CIT: variants seen among roughly 807,000 people sequenced by gnomAD.
CIT encodes citron Rho-interacting kinase.
A neutral mutation model predicts 272.7 loss-of-function variants in CIT; 79 were observed. The observed-to-expected ratio is 0.29, with a 90% CI of 0.24 to 0.35. CIT has a LOEUF of 0.35. Ranked by LOEUF, CIT falls within the 10% of genes least tolerant of loss-of-function variation. CIT has a pLI of 1.00. For synonymous variants in CIT, 948 were observed against 995.6 expected, an observed-to-expected ratio of 0.95 and a Z score of 0.90; for missense variants, 1,909 against 2,618.3, an observed-to-expected ratio of 0.73 and a Z score of 5.91.
chr12:119,710,152 T>C lies in CIT; in HGVS notation c.5071+99A>G. On this transcript the variant is annotated intron_variant, in intron 39 of 47. Coordinates refer to ENST00000392521, the MANE Select transcript of CIT (RefSeq NM_001206999.2). The surrounding 1 kb of genome is among the most constrained non-coding windows in gnomAD (Gnocchi z 5.6). Reference sequence around the variant, plus strand: ...ACACAGAGATAAGAGCTACAACGGCTCCTCTCTACTATTTTGTGTTTTACG... The same window carrying C: ...ACACAGAGATAAGAGCTACAACGGCCCCTCTCTACTATTTTGTGTTTTACG... 7.5e-7 allele frequency: 1 copy of C among 1,332,158 alleles called. No individual in the cohort carries two copies. Among genetic ancestry groups the C allele is most frequent in the Non-Finnish European group, 1.0e-6 (1 of 959,984 alleles). The allele number at this position is 1,332,158 out of a possible 1,614,324, so 82.5% of individuals were successfully genotyped here. A position where few individuals can be genotyped will look rare whatever the true frequency, so the allele number is the denominator to read the frequency against.
chr12:119,695,888 T>A (rs1956199727), intron 46 of CIT, among the ~76,000 whole-genome samples: 1 of 152,236 alleles, frequency 6.6e-6, no homozygotes, highest in Admixed American at 6.5e-5. Flanking sequence ...ACAATGTAAA[T>A]GCTCTGTAAA....
At chr12:119,777,424 A>C (rs916987079) in intron 13 of CIT, among the ~76,000 whole-genome samples, 2 of 150,736 alleles carry the variant, frequency 1.3e-5, no homozygotes, top group African/African-American at 4.9e-5. Flanking sequence ...GTAATCCCAG[A>C]ACTTTGGGAG....
In CIT at chr12:119,712,870, A is replaced by T. The variant is rs1957240022; in HGVS notation, c.4580-175T>A. The T allele has an allele frequency of 2.0e-6, 1 of 496,456 alleles. No individual in the cohort carries two copies. Among genetic ancestry groups the T allele is most frequent in the Non-Finnish European group, 3.6e-6 (1 of 278,428 alleles). 30.8% of individuals were successfully genotyped at this position (496,456 alleles called of 1,614,324 possible). A position where few individuals can be genotyped will look rare whatever the true frequency, so the allele number is the denominator to read the frequency against. Reference sequence around the variant, plus strand: ...TGCAGAGAAGGCAGAGAGGGAAGATAAAAAAAAATAAAGTGTGTCAGATGA... The same window carrying T: ...TGCAGAGAAGGCAGAGAGGGAAGATTAAAAAAAATAAAGTGTGTCAGATGA... On this transcript the variant is annotated intron_variant, in intron 35 of 47. Transcript: ENST00000392521. This position sits in a 1 kb window ranked among gnomAD's most constrained non-coding sequence, Gnocchi z 5.2.
Position 119,710,902 on chromosome 12 carries a change from T to C in CIT, c.4855-282A>G. On this transcript the variant is annotated intron_variant, in intron 37 of 47. Coordinates refer to ENST00000392521, the MANE Select transcript of CIT (RefSeq NM_001206999.2). This position sits in a 1 kb window ranked among gnomAD's most constrained non-coding sequence, Gnocchi z 5.6. ...GGGTAGTAGACATGGAAAGCTATTC[T>C]GTAATAAGAAATAAGCTGAAGCTAA... The C allele has an allele frequency of 1.5e-6, 1 of 653,108 alleles. No homozygotes were observed. The highest frequency in any genetic ancestry group is 2.4e-6 in the Non-Finnish European group (1 of 410,080). The allele number at this position is 653,108 out of a possible 1,614,324, so 40.5% of individuals were successfully genotyped here.
intron 4 of CIT, among the ~76,000 whole-genome samples, chr12:119,853,340 AAT>A (rs1210443222): frequency 6.6e-6 from 1 of 151,106 alleles, no homozygotes; most frequent in African/African-American, 2.5e-5. Context: ...AAAAAAAAAA[AAT>A]GGTTACTGTT....
chr12:119,751,491 CAGAA>C (rs1275006551), intron 23 of CIT, among the ~76,000 whole-genome samples: 1 of 151,716 alleles, frequency 6.6e-6, no homozygotes, highest in African/African-American at 2.4e-5. Context: ...ACTAGTCTCT[CAGAA>C]AGAACAAGGA....
Position 119,834,117 on chromosome 12 carries a change from G to T in CIT, c.628C>A (p.His210Asn), listed in dbSNP as rs776943383. The T allele has an allele frequency of 5.0e-6, 8 of 1,613,896 alleles. No homozygotes were observed. Among genetic ancestry groups the T allele is most frequent in the Non-Finnish European group, 6.8e-6 (8 of 1,179,930 alleles). The change falls in exon 6 of 48, where the codon CAC (histidine) becomes AAC (asparagine). Residue 210 changes from histidine to asparagine, a missense_variant. This residue lies in a region of CIT where 529 missense variants were observed against 549.6 expected (regional missense o/e 0.96). Coordinates refer to ENST00000392521, the MANE Select transcript of CIT (RefSeq NM_001206999.2). ...ACGTATCCCATCAGATGAACGCTGT[G>T]AACAGCCAAAATCAGCTCAGCTAGG... The part of the protein sequence containing the change: ...FYLAELILAV[H>N]SVHLMGYVHR...
intron 3 of CIT, among the ~76,000 whole-genome samples, chr12:119,867,580 G>A (rs1950551183): frequency 6.6e-6 from 1 of 152,168 alleles, no homozygotes; most frequent in Admixed American, 6.5e-5. Flanking sequence ...CAGCACTGTT[G>A]GCATTGTGGG....
chr12:119,869,319 C>G, intron 2 of CIT, 118 bp from the exon 3 acceptor site: 2 of 915,624 alleles, frequency 2.2e-6, no homozygotes, highest in Non-Finnish European at 3.3e-6. Context: ...GACATGCTAA[C>G]AGCACAATTC....
At chr12:119,719,776 CA>C (rs1957733954) in intron 30 of CIT, among the ~76,000 whole-genome samples, 1 of 152,198 alleles carries the variant, frequency 6.6e-6, no homozygotes, top group South Asian at 2.1e-4. Context: ...CAAGCTTCTT[CA>C]AGACTTTTCT....
At chr12:119,844,451 C>G (rs930881497) in intron 5 of CIT, among the ~76,000 whole-genome samples, 1 of 151,956 alleles carries the variant, frequency 6.6e-6, no homozygotes, top group African/African-American at 2.4e-5. Context: ...CTAAAAAGAG[C>G]CTTAAGAGAG....
chr12:119,785,150 T>C, intron 10 of CIT, 85 bp from the exon 11 acceptor site: 2 of 1,396,892 alleles, frequency 1.4e-6, no homozygotes, highest in South Asian at 2.6e-5. Context: ...TGTTTCATTT[T>C]ACAAAAACAT....
Position 119,758,584 on chromosome 12 carries a change from T to A in CIT, c.2531+7A>T, listed in dbSNP as rs767202476. The A allele has an allele frequency of 3.8e-6, 6 of 1,571,306 alleles. No individual in the cohort carries two copies. In the African/African-American group the frequency reaches 8.1e-5, roughly 21 times the overall value. On this transcript the variant is annotated splice_region_variant and intron_variant, in intron 21 of 47. Coordinates refer to ENST00000392521, the MANE Select transcript of CIT (RefSeq NM_001206999.2). ...TAATGTAGGGCAGTTAGAATTTGAA[T>A]ACTTACATGTTCCTTTGGGTAAAAA...
At chr12:119,765,859 G>A (rs1174481324) in intron 19 of CIT, among the ~76,000 whole-genome samples, 2 of 151,954 alleles carry the variant, frequency 1.3e-5, no homozygotes, top group African/African-American at 2.4e-5. Flanking sequence ...AAGAAAAATC[G>A]AGCTGTCACA....
chr12:119,742,250 T>C (rs373883746), intron 24 of CIT, among the ~76,000 whole-genome samples, 161 bp downstream of exon 24: 45 of 152,330 alleles, frequency 3.0e-4, no homozygotes, highest in African/African-American at 1.1e-3. Flanking sequence ...AAACAGGTTA[T>C]CTAGGGCTCA....
chr12:119,772,048 G>A (rs1418815574), intron 17 of CIT, among the ~76,000 whole-genome samples: 1 of 152,094 alleles, frequency 6.6e-6, no homozygotes, highest in African/African-American at 2.4e-5. Context: ...GAATGTGGGT[G>A]AGGATGGCCC....
At chr12:119,867,151 C>T (rs909531176) in intron 3 of CIT, among the ~76,000 whole-genome samples, 1 of 152,196 alleles carries the variant, frequency 6.6e-6, no homozygotes, top group Non-Finnish European at 1.5e-5. Flanking sequence ...GAATCCCCAG[C>T]TGAGTCCAAT....
chr12:119,697,312 T>C lies in CIT; in HGVS notation c.5882+347A>G, dbSNP rs559323769. On this transcript the variant is annotated intron_variant, in intron 46 of 47. Coordinates refer to ENST00000392521, the MANE Select transcript of CIT (RefSeq NM_001206999.2). The surrounding 1 kb of genome is among the most constrained non-coding windows in gnomAD (Gnocchi z 4.9). Reference sequence around the variant, plus strand: ...TCAGGGAGGGGCTACATCTGCTTTATTCACCATTCTCCCTCCCCCACAAGC... The same window carrying C: ...TCAGGGAGGGGCTACATCTGCTTTACTCACCATTCTCCCTCCCCCACAAGC... 7.5e-4 allele frequency among the ~76,000 whole-genome samples: 114 copies of C among 152,294 alleles called. No individual in the cohort carries two copies. Among genetic ancestry groups the C allele is most frequent in the South Asian group, 1.5e-3 (7 of 4,826 alleles).
At position 119,759,952 on chromosome 12, in the gene CIT, C is replaced by T. The variant is rs970788346; in HGVS notation, c.2421+987G>A. Among the ~76,000 whole-genome samples the T allele has an allele frequency of 6.6e-5, 10 of 151,820 alleles. No individual in the cohort carries two copies. In the South Asian group the frequency reaches 1.0e-3, roughly 16 times the overall value. ...CTGTAATCCCAGCACTTTGGGAGGC[C>T]GAGGTGGGCAGATCACTTGAGGTCA... On this transcript the variant is annotated intron_variant, in intron 20 of 47. Transcript: ENST00000392521.
Sources: allele counts gnomAD v4.1 joint callset (sites outside exome capture counted in the v4.1 genomes callset), GRCh38; gene constraint gnomAD v4.1.1; regional missense constraint gnomAD v4.1.1; non-coding constraint Gnocchi (gnomAD v3.1); transcripts MANE v1.5; gene names NCBI Gene and HGNC (gene_info 2026-07-23, HGNC 2026-07-21).